Variants in KCNJ6 observed in about 807,000 individuals in gnomAD.
The protein encoded by KCNJ6 is G protein-activated inward rectifier potassium channel 2.
KCNJ6 carries 9 observed loss-of-function variants against 34.2 expected under a neutral mutation model. The ratio of observed to expected loss-of-function variants is 0.26; its 90% CI spans 0.16 to 0.46. The LOEUF is 0.46. Among genes scored for constraint, KCNJ6 ranks in the 20% least tolerant of loss-of-function variants. The pLI is 1.00. For missense variants in KCNJ6, 236 were observed against 531.3 expected, an observed-to-expected ratio of 0.44 and a Z score of 5.46; for synonymous variants, 196 against 207.1, an observed-to-expected ratio of 0.95 and a Z score of 0.46.
intron 1 of KCNJ6, among the ~76,000 whole-genome samples, chr21:37,868,480 C>A (rs1312243495): frequency 6.6e-6 from 1 of 152,206 alleles, no homozygotes; most frequent in Non-Finnish European, 1.5e-5. Flanking sequence ...AATGTGAATT[C>A]TCTTACCATC....
chr21:37,776,610 G>T (rs1386069570), intron 2 of KCNJ6, among the ~76,000 whole-genome samples: 2 of 152,156 alleles, frequency 1.3e-5, no homozygotes, highest in African/African-American at 4.8e-5. Flanking sequence ...AGATAATCAC[G>T]TGGTTTTTGT....
chr21:37,889,636 AG>A (rs2055752433), intron 1 of KCNJ6, among the ~76,000 whole-genome samples: 1 of 152,226 alleles, frequency 6.6e-6, no homozygotes, highest in Non-Finnish European at 1.5e-5. Context: ...AGGTGTCTGC[AG>A]GGCCACACTC....
chr21:37,836,047 AAAAC>A (rs528110283), intron 2 of KCNJ6, among the ~76,000 whole-genome samples: 3 of 152,358 alleles, frequency 2.0e-5, no homozygotes, highest in East Asian at 1.9e-4. Flanking sequence ...TTACACGAAA[AAAAC>A]AAACAACCCC....
chr21:37,795,864 T>G (rs1486505685), intron 2 of KCNJ6, among the ~76,000 whole-genome samples: 1 of 152,198 alleles, frequency 6.6e-6, no homozygotes, highest in Non-Finnish European at 1.5e-5. Context: ...GGTATTATTT[T>G]TATTATGCCC....
At chr21:37,655,897 C>T (rs985564904) in intron 3 of KCNJ6, among the ~76,000 whole-genome samples, 1 of 152,218 alleles carries the variant, frequency 6.6e-6, no homozygotes, top group African/African-American at 2.4e-5. Context: ...TGTGGAACTT[C>T]CCCTATGTCT....
At chr21:37,707,084 TC>T (rs1279730126) in intron 3 of KCNJ6, among the ~76,000 whole-genome samples, 1 of 134,376 alleles carries the variant, frequency 7.4e-6, no homozygotes, top group Non-Finnish European at 1.6e-5. Flanking sequence ...TTAATTCAGA[TC>T]CCATCGATTT....
rs1409651366 is a variant in KCNJ6, at chr21:37,619,028, A to G, written c.*6131T>C. The G allele has an allele frequency of 1.3e-5, 2 of 152,208 alleles. No individual in the cohort carries two copies. Among genetic ancestry groups the G allele is most frequent in the African/African-American group, 2.4e-5 (1 of 41,460 alleles). 9.4% of individuals were successfully genotyped at this position (152,208 alleles called of 1,614,324 possible). On this transcript the variant is annotated 3_prime_UTR_variant, in exon 4 of 4. Coordinates refer to ENST00000609713, the MANE Select transcript of KCNJ6 (RefSeq NM_002240.5). ...GGGTCACAAGCTTTTTGCATGATCT[A>G]TATTGTAGATACCATTACCTACTTA...
Position 37,616,590 on chromosome 21 carries a change from CA to C in KCNJ6, c.*8568del, listed in dbSNP as rs1569429828. On this transcript the variant is annotated 3_prime_UTR_variant, in exon 4 of 4. Transcript: ENST00000609713. ...AATTATGAAGCAGGAACAAAATGTACATATATATATATATATATATATATAT... is the reference window on the plus strand; with the variant it reads ...AATTATGAAGCAGGAACAAAATGTACTATATATATATATATATATATATAT... 0.54 allele frequency: 49,433 copies of C among 91,680 alleles called. 13,449 individuals are homozygous for C. Among genetic ancestry groups the C allele is most frequent in the South Asian group, 0.62 (1,656 of 2,658 alleles). 5.7% of individuals were successfully genotyped at this position (91,680 alleles called of 1,614,324 possible).
rs1311651498 is a variant in KCNJ6 at position 37,621,864 on chromosome 21, T to C, written c.*3295A>G. On this transcript the variant is annotated 3_prime_UTR_variant, in exon 4 of 4. Transcript: ENST00000609713. Reference sequence around the variant, plus strand: ...GGAACAGAAAAGTTGACATTTGCTATGTTAATGTAAAAGAGTATAGCTTAC... The same window carrying C: ...GGAACAGAAAAGTTGACATTTGCTACGTTAATGTAAAAGAGTATAGCTTAC... The C allele has an allele frequency of 2.0e-5, 3 of 152,230 alleles. No homozygotes were observed. Among genetic ancestry groups the C allele is most frequent in the African/African-American group, 4.8e-5 (2 of 41,448 alleles). 9.4% of individuals were successfully genotyped at this position (152,230 alleles called of 1,614,324 possible).
At chr21:37,831,853 C>T (rs546304503) in intron 2 of KCNJ6, among the ~76,000 whole-genome samples, 16 of 152,176 alleles carry the variant, frequency 1.1e-4, no homozygotes, top group Non-Finnish European at 1.8e-4. Context: ...CTTAGTGATA[C>T]CTGCCCACTA....
intron 1 of KCNJ6, among the ~76,000 whole-genome samples, chr21:37,899,943 G>A (rs1427150892): frequency 6.6e-6 from 1 of 152,182 alleles, no homozygotes; most frequent in Non-Finnish European, 1.5e-5. Context: ...GTGTGGCTGG[G>A]AGGCTCAGGT....
intron 3 of KCNJ6, among the ~76,000 whole-genome samples, chr21:37,713,449 A>T (rs1446398675): frequency 6.6e-6 from 1 of 152,160 alleles, no homozygotes; most frequent in African/African-American, 2.4e-5. Flanking sequence ...ACATACAAAC[A>T]TGGGCAGAAC....
intron 3 of KCNJ6, among the ~76,000 whole-genome samples, chr21:37,709,210 C>T (rs1056764211): frequency 9.9e-5 from 15 of 152,188 alleles, no homozygotes; most frequent in African/African-American, 2.7e-4. Flanking sequence ...CAGTCATCTG[C>T]ACATGAAATA....
intron 3 of KCNJ6, among the ~76,000 whole-genome samples, chr21:37,633,662 A>G (rs2054343745): frequency 6.6e-6 from 1 of 152,176 alleles, no homozygotes; most frequent in African/African-American, 2.4e-5. Flanking sequence ...CTTTTTATAT[A>G]CCAGCAACAA....
chr21:37,697,644 G>A (rs766968085), intron 3 of KCNJ6, among the ~76,000 whole-genome samples: 1 of 152,212 alleles, frequency 6.6e-6, no homozygotes, highest in Non-Finnish European at 1.5e-5. Context: ...GTTTGGTGAT[G>A]AGAAAGTTCA....
chr21:37,730,566 T>G (rs1241295824), intron 2 of KCNJ6, among the ~76,000 whole-genome samples: 1 of 152,202 alleles, frequency 6.6e-6, no homozygotes, highest in Non-Finnish European at 1.5e-5. Context: ...GGTACACAAT[T>G]TGTAACTACA....
intron 2 of KCNJ6, among the ~76,000 whole-genome samples, chr21:37,783,868 CT>C (rs951347590): frequency 3.9e-5 from 6 of 152,212 alleles, no homozygotes; most frequent in Non-Finnish European, 8.8e-5. Context: ...AATCTCTCCT[CT>C]GTGTGTCTGT....
intron 1 of KCNJ6, among the ~76,000 whole-genome samples, chr21:37,913,635 T>C (rs1211938748): frequency 1.3e-5 from 2 of 152,032 alleles, no homozygotes; most frequent in East Asian, 1.9e-4. Context: ...CTGACCAACA[T>C]GGTGAAACCC....
chr21:37,896,021 T>A (rs2055786079), intron 1 of KCNJ6, among the ~76,000 whole-genome samples: 1 of 152,196 alleles, frequency 6.6e-6, no homozygotes, highest in Admixed American at 6.5e-5. Context: ...TTCTGCAGGC[T>A]GCACAGGAAG....
Sources: allele counts gnomAD v4.1 joint callset (sites outside exome capture counted in the v4.1 genomes callset), GRCh38; gene constraint gnomAD v4.1.1; transcripts MANE v1.5; gene names NCBI Gene and HGNC (gene_info 2026-07-23, HGNC 2026-07-21).